CCDC60: variants seen among roughly 807,000 people sequenced by gnomAD.
CCDC60 encodes the protein coiled-coil domain containing 60.
Under a neutral mutation model 63.5 loss-of-function variants are expected in CCDC60, and 54 were observed. The ratio of observed to expected loss-of-function variants is 0.85; its 90% CI spans 0.68 to 1.07. CCDC60 has a LOEUF of 1.07. Ranked by LOEUF, CCDC60 falls within the 50% of genes least tolerant of loss-of-function variation. The pLI is 0.00. For missense variants in CCDC60, 651 were observed against 684.3 expected (o/e 0.95, Z 0.54); for synonymous variants, 206 against 238.8 (o/e 0.86, Z 1.27).
At chr12:119,345,553 G>A (rs549713316) in intron 1 of CCDC60, among the ~76,000 whole-genome samples, 2 of 149,326 alleles carry the variant, frequency 1.3e-5, no homozygotes, top group Non-Finnish European at 3.0e-5. Context: ...AATGGGGCCT[G>A]CAGTTTAGAT....
At chr12:119,447,460 T>C (rs891081766) in intron 2 of CCDC60, among the ~76,000 whole-genome samples, 3 of 152,146 alleles carry the variant, frequency 2.0e-5, no homozygotes, top group Non-Finnish European at 4.4e-5. Flanking sequence ...CCTTATTCCA[T>C]TGTCTGTTGT....
chr12:119,484,496 G>A (rs538849225), intron 4 of CCDC60, among the ~76,000 whole-genome samples: 6 of 152,048 alleles, frequency 3.9e-5, no homozygotes, highest in South Asian at 4.2e-4. Flanking sequence ...CAGGCGGATC[G>A]CTTGAGCCCA....
chr12:119,471,373 A>G (rs1159104271), intron 2 of CCDC60, among the ~76,000 whole-genome samples: 4 of 152,232 alleles, frequency 2.6e-5, no homozygotes, highest in Non-Finnish European at 5.9e-5. Flanking sequence ...CCAGGAGCCT[A>G]GGCCCTTTAG....
chr12:119,385,816 C>A (rs1248797498), intron 1 of CCDC60, among the ~76,000 whole-genome samples: 1 of 152,176 alleles, frequency 6.6e-6, no homozygotes, highest in Non-Finnish European at 1.5e-5. Flanking sequence ...CGCTGCTCCC[C>A]CTCCGTGCCC....
intron 6 of CCDC60, among the ~76,000 whole-genome samples, chr12:119,500,755 G>A (rs1254769984): frequency 1.3e-5 from 2 of 152,140 alleles, no homozygotes; most frequent in Non-Finnish European, 2.9e-5. Context: ...TAGGGAGGCT[G>A]AAGTGAGAGG....
intron 1 of CCDC60, among the ~76,000 whole-genome samples, chr12:119,401,400 G>T (rs1002911005): frequency 2.0e-5 from 3 of 152,192 alleles, no homozygotes; most frequent in African/African-American, 7.2e-5. Flanking sequence ...CATTTATCCA[G>T]CACTTGCTGC....
At chr12:119,375,603 G>A (rs1337683794) in intron 1 of CCDC60, among the ~76,000 whole-genome samples, 1 of 152,178 alleles carries the variant, frequency 6.6e-6, no homozygotes, top group Non-Finnish European at 1.5e-5. Context: ...CTCACTGATG[G>A]CTGTGTTTTA....
intron 1 of CCDC60, among the ~76,000 whole-genome samples, chr12:119,425,990 A>C (rs984487518): frequency 2.6e-5 from 4 of 152,196 alleles, no homozygotes; most frequent in African/African-American, 9.6e-5. Context: ...GGGAGGGTGA[A>C]CAGATGTTGT....
rs556783132 is a variant in CCDC60 at position 119,418,386 on chromosome 12, C to CTTTTTTTTTTTTTTTTTTT, written c.91-10269_91-10251dup. Among the ~76,000 whole-genome samples the CTTTTTTTTTTTTTTTTTTT allele has an allele frequency of 1.4e-4, 9 of 65,752 alleles. 1 individual carries two copies. Among genetic ancestry groups the CTTTTTTTTTTTTTTTTTTT allele is most frequent in the South Asian group, 6.8e-4 (1 of 1,468 alleles). 43.1% of individuals were successfully genotyped at this position (65,752 alleles called of 152,430 possible). A position where few individuals can be genotyped will look rare whatever the true frequency, so the allele number is the denominator to read the frequency against. ...TCTTTCTTTTTCCTTTTCTTTCTTTCTTTTTTTTTTTTTTTTTTTTTTTTT... is the reference window on the plus strand; with the variant it reads ...TCTTTCTTTTTCCTTTTCTTTCTTTCTTTTTTTTTTTTTTTTTTTTTTTTTTTTTTTTTTTTTTTTTTTT... On this transcript the variant is annotated intron_variant, in intron 1 of 13. Transcript: ENST00000327554.
At chr12:119,423,520 G>A (rs1299822986) in intron 1 of CCDC60, among the ~76,000 whole-genome samples, 3 of 152,190 alleles carry the variant, frequency 2.0e-5, no homozygotes, top group Non-Finnish European at 4.4e-5. Flanking sequence ...ACTGAAGGGT[G>A]AGAGTTAAGC....
At chr12:119,412,070 T>C (rs7972787) in intron 1 of CCDC60, among the ~76,000 whole-genome samples, 1,673 of 152,234 alleles carry the variant, frequency 0.011, 30 homozygotes, top group African/African-American at 0.038. Flanking sequence ...TCACTGAGCC[T>C]CAAAAGGTAA....
chr12:119,501,356 C>G (rs1168880029), intron 6 of CCDC60, among the ~76,000 whole-genome samples: 1 of 152,124 alleles, frequency 6.6e-6, no homozygotes, highest in African/African-American at 2.4e-5. Flanking sequence ...ACTATTCTTA[C>G]CCCCAGGTGA....
intron 1 of CCDC60, among the ~76,000 whole-genome samples, chr12:119,337,824 T>G (rs1036029057): frequency 2.1e-5 from 3 of 140,548 alleles, no homozygotes; most frequent in African/African-American, 5.3e-5. Context: ...GTGTGTGTAT[T>G]TGTGTGTGTG....
At chr12:119,357,738 G>C (rs565333661) in intron 1 of CCDC60, among the ~76,000 whole-genome samples, 1 of 152,348 alleles carries the variant, frequency 6.6e-6, no homozygotes, top group Admixed American at 6.5e-5. Flanking sequence ...ACAGGGGTGA[G>C]CCACCGTGCC....
At position 119,508,187 on chromosome 12, in the gene CCDC60, A is replaced by G. The variant is rs140162338; in HGVS notation, c.883+2884A>G. On this transcript the variant is annotated intron_variant, in intron 7 of 13. Transcript: ENST00000327554. Reference sequence around the variant, plus strand: ...CCATGTCTATAAAAATAAAGTAATAAAGAAGAAAGTTATGGCATGGCATGG... The same window carrying G: ...CCATGTCTATAAAAATAAAGTAATAGAGAAGAAAGTTATGGCATGGCATGG... 2.8e-3 allele frequency among the ~76,000 whole-genome samples: 432 copies of G among 151,630 alleles called. 1 individual carries two copies. The highest frequency in any genetic ancestry group is 0.01 in the African/African-American group (418 of 41,292).
intron 7 of CCDC60, among the ~76,000 whole-genome samples, chr12:119,515,762 C>T (rs1457267861): frequency 6.6e-6 from 1 of 152,160 alleles, no homozygotes. Context: ...CAGTGTAGTC[C>T]CATCTCAGAC....
chr12:119,353,598 C>CTTTTTTTTTT (rs71072514), intron 1 of CCDC60, among the ~76,000 whole-genome samples: 10 of 68,248 alleles, frequency 1.5e-4, no homozygotes, highest in South Asian at 6.9e-4. Flanking sequence ...TCTTCTTCTT[C>CTTTTTTTTTT]TTTTTTTTTT....
rs183387834 is a variant in CCDC60, at chr12:119,531,392, C to T, written c.1551+329C>T. Among the ~76,000 whole-genome samples the T allele has an allele frequency of 1.5e-3, 230 of 152,246 alleles. 1 individual carries two copies. Among genetic ancestry groups the T allele is most frequent in the Admixed American group, 4.1e-3 (63 of 15,278 alleles). ...ACCTCACCTGGGTGCTTGTTAGAAA[C>T]GCAGAATTGCAGGTTTCAAGTCAAT... is the stretch of plus-strand genomic sequence containing the variant. On this transcript the variant is annotated intron_variant, in intron 13 of 13. Transcript: ENST00000327554.
At chr12:119,350,891 C>T (rs1451572346) in intron 1 of CCDC60, among the ~76,000 whole-genome samples, 1 of 152,294 alleles carries the variant, frequency 6.6e-6, no homozygotes, top group Non-Finnish European at 1.5e-5. Flanking sequence ...ATCTGATCCC[C>T]AGGTTTCACA....
Sources: gnomAD v4.1 joint callset for allele counts (sites outside exome capture counted in the v4.1 genomes callset) on GRCh38, gnomAD v4.1.1 for gene constraint, MANE v1.5 for transcripts, NCBI Gene and HGNC (gene_info 2026-07-23, HGNC 2026-07-21) for gene names.